The following OR10H5 variants were observed in gnomAD, a reference collection of about 807,000 sequenced individuals.
OR10H5 encodes the protein olfactory receptor 10H5.
A neutral mutation model predicts 12.2 loss-of-function variants in OR10H5; 7 were observed. The ratio of observed to expected loss-of-function variants is 0.57; its 90% CI spans 0.33 to 1.07. The LOEUF (loss-of-function observed/expected upper bound fraction) is 1.07, where lower values mean the gene tolerates loss of function less well. Ranked by LOEUF, OR10H5 falls within the 50% of genes least tolerant of loss-of-function variation. The pLI, the probability that OR10H5 is intolerant of heterozygous loss-of-function variation, is 0.04. For synonymous variants in OR10H5, 159 were observed against 175.1 expected (o/e 0.91, Z 0.73); for missense variants, 346 against 411.6 (o/e 0.84, Z 1.38).
At chr19:15,789,813 G>T (rs1458405063) in intron 1 of OR10H5, among the ~76,000 whole-genome samples, 1 of 135,122 alleles carries the variant, frequency 7.4e-6, no homozygotes, top group Non-Finnish European at 1.5e-5. Context: ...ACAGGGTCTC[G>T]CTCTGTCACC....
At position 15,794,382 on chromosome 19, in the gene OR10H5, T is replaced by C. The variant is rs747137738; in HGVS notation, c.334T>C (p.Ser112Pro). The stretch of plus-strand genomic sequence containing the variant: ...CTCCTTCAGCTTCGGCTTCACCCAC[T>C]CCTTCCTGCTCACTGTCATGGGCTA... ...FFSFSFGFTH[S>P]FLLTVMGYDR... The change falls in exon 2 of 2, where the codon TCC becomes CCC. Residue 112 changes from serine to proline, a missense_variant. Coordinates refer to ENST00000642092, the MANE Select transcript of OR10H5 (RefSeq NM_001004466.2). The C allele has an allele frequency of 3.1e-6, 5 of 1,614,170 alleles. No individual in the cohort carries two copies. The highest frequency in any genetic ancestry group is 1.6e-4 in the Middle Eastern group (1 of 6,062).
At chr19:15,787,737 C>A (rs78825628) in intron 1 of OR10H5, 21 bp downstream of exon 1, 13,312 of 152,430 alleles carry the variant, frequency 0.087, 1,628 homozygotes, top group East Asian at 0.57. Context: ...TCGTCTATTT[C>A]CAAACCTGCT....
In OR10H5 at chr19:15,794,205, C is replaced by G; in HGVS notation, c.157C>G (p.Arg53Gly). ...CATCATGGCCACTGTCTGGAGCGAG[C>G]GCAGCCTCCACATGCCCATGTACCT... ...LLIMATVWSE[R>G]SLHMPMYLFL... Residue 53 changes from arginine (R) to glycine (G), a missense_variant, in exon 2 of 2, where the codon CGC (arginine) becomes GGC (glycine). Transcript: ENST00000642092. 1 of 1,614,164 alleles carries G rather than the reference C, an allele frequency of 6.2e-7. No homozygotes were observed. Among genetic ancestry groups the G allele is most frequent in the South Asian group, 1.1e-5 (1 of 91,076 alleles).
rs139269204 is a variant in OR10H5 at position 15,794,447 on chromosome 19, C to A, written c.399C>A (p.Asn133Lys). The A allele has an allele frequency of 4.9e-5, 79 of 1,614,152 alleles. No homozygotes were observed. The African/African-American group carries it at 8.3e-4, about 17-fold the overall frequency. ...CCATCTGCCACCCCCTGCGTTACAACGTGCTCATGAGCCTGCGGGGCTGCA... is the reference window on the plus strand; with the variant it reads ...CCATCTGCCACCCCCTGCGTTACAAAGTGCTCATGAGCCTGCGGGGCTGCA... ...YVAICHPLRY[N>K]VLMSLRGCTC... The change falls in exon 2 of 2, where the codon AAC becomes AAA. Residue 133 changes from asparagine (N) to lysine (K), a missense_variant. Asn to Lys is a moderately conservative substitution (Grantham distance 94). Transcript: ENST00000642092.
chr19:15,794,004 C>A (rs370022128), intron 1 of OR10H5, 34 bp from the exon 2 acceptor site: 2 of 1,560,452 alleles, frequency 1.3e-6, no homozygotes, highest in South Asian at 1.2e-5. Context: ...GTGCTCCTAA[C>A]CACTGGGTCT....
chr19:15,795,001 G>A lies in OR10H5; in HGVS notation c.*5G>A, dbSNP rs1183199478. 6.2e-7 allele frequency: 1 copy of A among 1,611,814 alleles called. No individual in the cohort carries two copies. Among genetic ancestry groups the A allele is most frequent in the East Asian group, 2.2e-5 (1 of 44,840 alleles). On this transcript the variant is annotated 3_prime_UTR_variant, in exon 2 of 2. Coordinates refer to ENST00000642092, the MANE Select transcript of OR10H5 (RefSeq NM_001004466.2). ...CTCTTTCCACAGAACTGCTGAAATG[G>A]CTGACTTTCTCTCAAGAGATGTAGC...
intron 1 of OR10H5, 106 bp from the exon 2 acceptor site, chr19:15,793,932 C>A: frequency 1.1e-6 from 1 of 948,788 alleles, no homozygotes; most frequent in Non-Finnish European, 1.6e-6. Context: ...GTAACCATGG[C>A]TTGGACAGAT....
rs377098193 is a variant in OR10H5 at position 15,794,030 on chromosome 19, C to T, written c.-11-8C>T. The T allele has an allele frequency of 1.9e-6, 3 of 1,596,834 alleles. No individual in the cohort carries two copies. The highest frequency in any genetic ancestry group is 2.6e-6 in the Non-Finnish European group (3 of 1,169,498). On this transcript the variant is annotated splice_polypyrimidine_tract_variant and splice_region_variant and intron_variant, in intron 1 of 1. Transcript: ENST00000642092. ...CACTGGGTCTTCTTTCCTCTCTCCA[C>T]CAACTAGGGGTGGCCGCCATGCAGG...
chr19:15,795,189 C>T lies in OR10H5; in HGVS notation c.*193C>T. The T allele has an allele frequency of 1.8e-6, 1 of 552,338 alleles. No individual in the cohort carries two copies. Among genetic ancestry groups the T allele is most frequent in the Non-Finnish European group, 3.1e-6 (1 of 322,996 alleles). The allele number at this position is 552,338 out of a possible 1,614,324, so 34.2% of individuals were successfully genotyped here. A position where few individuals can be genotyped will look rare whatever the true frequency, so the allele number is the denominator to read the frequency against. ...CTCCCTCCCCCCTCCTCCTTGCCTT[C>T]CTTCCATCCTTCCTCCCTCCCTCCC... On this transcript the variant is annotated 3_prime_UTR_variant, in exon 2 of 2. Coordinates refer to ENST00000642092, the MANE Select transcript of OR10H5 (RefSeq NM_001004466.2).
rs949945707 is a variant in OR10H5 at position 15,798,738 on chromosome 19, C to G, written c.*3742C>G. On this transcript the variant is annotated 3_prime_UTR_variant, in exon 2 of 2. Transcript: ENST00000642092. ...AATCCTCCAGTTTCTGTCTGCCAAG[C>G]AGCTAGAAGGAGCTTTTTTTTTTTT... 6.8e-6 allele frequency: 1 copy of G among 147,642 alleles called. No homozygotes were observed. The highest frequency in any genetic ancestry group is 2.5e-5 in the African/African-American group (1 of 39,818). The allele number at this position is 147,642 out of a possible 1,614,324, so 9.1% of individuals were successfully genotyped here.
At chr19:15,792,462 C>CTTTG (rs775298443) in intron 1 of OR10H5, among the ~76,000 whole-genome samples, 13 of 151,934 alleles carry the variant, frequency 8.6e-5, no homozygotes, top group Non-Finnish European at 1.3e-4. Flanking sequence ...ATCTTAAATT[C>CTTTG]TTTGTTTGTT....
At position 15,794,424 on chromosome 19, in the gene OR10H5, A is replaced by G. The variant is rs764432793; in HGVS notation, c.376A>G (p.Ile126Val). 1 of 1,614,190 alleles carries G rather than the reference A, an allele frequency of 6.2e-7. No homozygotes were observed. The highest frequency in any genetic ancestry group is 2.2e-5 in the East Asian group (1 of 44,878). ...CATGGGCTACGACCGCTACGTGGCC[A>G]TCTGCCACCCCCTGCGTTACAACGT... Reference protein sequence around the residue: ...TVMGYDRYVAICHPLRYNVLM... With the variant: ...TVMGYDRYVAVCHPLRYNVLM... The change falls in exon 2 of 2, where the codon ATC becomes GTC. Residue 126 changes from isoleucine to valine, a missense_variant. Physicochemically the swap from Ile to Val is conservative, Grantham distance 29. Transcript: ENST00000642092.
Position 15,794,504 on chromosome 19 carries a change from C to T in OR10H5, c.456C>T (p.Gly152=). Residue 152 remains glycine, a synonymous_variant, in exon 2 of 2, where the codon GGC becomes GGT. Transcript: ENST00000642092. ...TCRVGCSWAG[G]LVMGMVVTSA... ...GGGTGGGCTGCTCCTGGGCTGGTGG[C>T]TTGGTCATGGGGATGGTGGTGACCT... is the stretch of plus-strand genomic sequence containing the variant. The T allele has an allele frequency of 6.2e-7, 1 of 1,614,244 alleles. No homozygotes were observed. Among genetic ancestry groups the T allele is most frequent in the South Asian group, 1.1e-5 (1 of 91,088 alleles).
At chr19:15,788,890 G>A (rs937603754) in intron 1 of OR10H5, among the ~76,000 whole-genome samples, 2 of 152,108 alleles carry the variant, frequency 1.3e-5, no homozygotes, top group South Asian at 2.1e-4. Context: ...AGTTTAGTTT[G>A]GTTTCAGGGT....
chr19:15,794,365 G>T lies in OR10H5; in HGVS notation c.317G>T (p.Ser106Ile). 6.2e-7 allele frequency: 1 copy of T among 1,614,134 alleles called. No individual in the cohort carries two copies. Among genetic ancestry groups the T allele is most frequent in the African/African-American group, 1.3e-5 (1 of 75,020 alleles). ...GCCAGTCAGATGTTCTTCTCCTTCAGCTTCGGCTTCACCCACTCCTTCCTG... is the reference window on the plus strand; with the variant it reads ...GCCAGTCAGATGTTCTTCTCCTTCATCTTCGGCTTCACCCACTCCTTCCTG... The part of the protein sequence containing the change: ...ACASQMFFSF[S>I]FGFTHSFLLT... The change falls in exon 2 of 2, where the codon AGC (serine) becomes ATC (isoleucine). Residue 106 changes from serine (S) to isoleucine (I), a missense_variant. By Grantham distance (142) the Ser-to-Ile change is moderately radical (BLOSUM62 -2). Coordinates refer to ENST00000642092, the MANE Select transcript of OR10H5 (RefSeq NM_001004466.2).
chr19:15,798,631 C>T lies in OR10H5; in HGVS notation c.*3635C>T, dbSNP rs961874585. The T allele has an allele frequency of 2.0e-5, 3 of 152,080 alleles. No individual in the cohort carries two copies. The highest frequency in any genetic ancestry group is 2.9e-5 in the Non-Finnish European group (2 of 68,026). 9.4% of individuals were successfully genotyped at this position (152,080 alleles called of 1,614,324 possible). A position where few individuals can be genotyped will look rare whatever the true frequency, so the allele number is the denominator to read the frequency against. ...TCACTTCTTTTGTTCTTTTCTTCCC[C>T]GGTGCTGGCCTAACCTCCTTGCATG... On this transcript the variant is annotated 3_prime_UTR_variant, in exon 2 of 2. Coordinates refer to ENST00000642092, the MANE Select transcript of OR10H5 (RefSeq NM_001004466.2).
rs1600083325 is a variant in OR10H5, at chr19:15,789,967, G to C, written c.-12+2251G>C. On this transcript the variant is annotated intron_variant, in intron 1 of 1. Coordinates refer to ENST00000642092, the MANE Select transcript of OR10H5 (RefSeq NM_001004466.2). ...TGGCTAATTTAAAAACAATTTTTTT[G>C]GTAAAGATGGGATCTCACTATGTTG... Among the ~76,000 whole-genome samples, 3 of 151,578 alleles carry C rather than the reference G, an allele frequency of 2.0e-5. No homozygotes were observed. The East Asian group carries it at 5.8e-4, about 29-fold the overall frequency.
At chr19:15,788,165 T>C (rs1359280103) in intron 1 of OR10H5, among the ~76,000 whole-genome samples, 1 of 152,134 alleles carries the variant, frequency 6.6e-6, no homozygotes, top group Non-Finnish European at 1.5e-5. Context: ...TTGTGTGCGC[T>C]TGTATGAGAT....
chr19:15,792,739 T>C (rs2088814901), intron 1 of OR10H5, among the ~76,000 whole-genome samples: 1 of 152,190 alleles, frequency 6.6e-6, no homozygotes, highest in African/African-American at 2.4e-5. Context: ...GTGCTGGGAT[T>C]ACAGGAGTGA....
Sources: gnomAD v4.1 joint callset for allele counts (sites outside exome capture counted in the v4.1 genomes callset) on GRCh38, gnomAD v4.1.1 for gene constraint, MANE v1.5 for transcripts, NCBI Gene and HGNC (gene_info 2026-07-23, HGNC 2026-07-21) for gene names.